Variants in PCSK1 observed in about 807,000 individuals in gnomAD.
PCSK1 encodes the protein proprotein convertase subtilisin/kexin type 1, also known as neuroendocrine convertase 1.
In PCSK1, 56 loss-of-function variants were observed where a neutral mutation model predicts 90.6. The observed-to-expected ratio is 0.62, with a 90% confidence interval of 0.50 to 0.77. The LOEUF (loss-of-function observed/expected upper bound fraction) is 0.77. Among genes scored for constraint, PCSK1 ranks in the 30% least tolerant of loss-of-function variants. The pLI, the probability that PCSK1 is intolerant of heterozygous loss-of-function variation, is 0.00. For missense variants in PCSK1, 801 were observed against 932.6 expected (o/e 0.86, Z 1.84); for synonymous variants, 348 against 342.4 (o/e 1.02, Z -0.18).
At position 96,411,064 on chromosome 5, in the gene PCSK1, G is replaced by T. The variant is rs1283092305; in HGVS notation, c.883-78C>A. The T allele has an allele frequency of 6.0e-6, 6 of 1,000,604 alleles. No homozygotes were observed. In the African/African-American group the frequency reaches 7.9e-5, roughly 13 times the overall value. The allele number at this position is 1,000,604 out of a possible 1,614,324, so 62.0% of individuals were successfully genotyped here. ...GTTATATCCCAATAAAATCCCCAAC[G>T]ACTACATGTGTGAAATTCTCAGAGA... On this transcript the variant is annotated intron_variant, in intron 7 of 13. Transcript: ENST00000311106.
intron 1 of PCSK1, among the ~76,000 whole-genome samples, chr5:96,429,530 T>G (rs1343615077): frequency 6.6e-6 from 1 of 152,188 alleles, no homozygotes; most frequent in African/African-American, 2.4e-5. Flanking sequence ...GGGGTATTTT[T>G]GTACAGATTA....
chr5:96,399,478 C>G (rs968610941), intron 10 of PCSK1, among the ~76,000 whole-genome samples: 7 of 151,996 alleles, frequency 4.6e-5, no homozygotes, highest in Admixed American at 6.6e-5. Context: ...TAGAGGGAGT[C>G]TAAGTAAGTG....
intron 8 of PCSK1, 146 bp downstream of exon 8, chr5:96,410,628 C>T (rs1561369070): frequency 1.4e-6 from 1 of 730,540 alleles, no homozygotes; most frequent in South Asian, 1.5e-5. Flanking sequence ...GGATGCCAGC[C>T]TTTCAAGTGA....
rs35364611 is a variant in PCSK1 at position 96,412,259 on chromosome 5, TCTC to T, written c.882+56_882+58del. The T allele has an allele frequency of 0.27, 371,598 of 1,366,300 alleles. 51,925 individuals carry two copies. Among genetic ancestry groups the T allele is most frequent in the South Asian group, 0.3 (25,756 of 86,026 alleles). 84.6% of individuals were successfully genotyped at this position (1,366,300 alleles called of 1,614,324 possible). ...CCATGTAACCTAAGTGTTCTTTCCT[TCTC>T]CTCATATCCAGATGGTCAGGTTTCA... On this transcript the variant is annotated intron_variant, in intron 7 of 13. Coordinates refer to ENST00000311106, the MANE Select transcript of PCSK1 (RefSeq NM_000439.5).
chr5:96,396,591 A>C (rs1760158323), intron 12 of PCSK1, among the ~76,000 whole-genome samples: 1 of 151,976 alleles, frequency 6.6e-6, no homozygotes, highest in Non-Finnish European at 1.5e-5. Context: ...ATTTAGGCGT[A>C]TAATTCTACA....
chr5:96,423,492 A>AT (rs1207642110), intron 3 of PCSK1, 33 bp from the exon 4 acceptor site: 5 of 1,609,572 alleles, frequency 3.1e-6, no homozygotes, highest in Non-Finnish European at 4.3e-6. Context: ...CATTGATAAA[A>AT]TTATCATTTG....
Position 96,429,275 on chromosome 5 carries a change from G to T in PCSK1, c.223C>A (p.His75Asn). The T allele has an allele frequency of 6.2e-7, 1 of 1,602,634 alleles. No individual in the cohort carries two copies. Among genetic ancestry groups the T allele is most frequent in the Non-Finnish European group, 8.5e-7 (1 of 1,169,844 alleles). ...GCACTCCTTCGAGACCTTCTGGGGT[G>T]GTTTTTATGTTTGAATAAGTAGTGA... ...ENHYLFKHKN[H>N]PRRSRRSAFH... The change falls in exon 2 of 14, where the codon CAC (histidine) becomes AAC (asparagine). Residue 75 changes from histidine to asparagine, a missense_variant. Coordinates refer to ENST00000311106, the MANE Select transcript of PCSK1 (RefSeq NM_000439.5).
intron 2 of PCSK1, 90 bp downstream of exon 2, chr5:96,429,123 C>T (rs933594756): frequency 2.0e-5 from 15 of 734,290 alleles, no homozygotes; most frequent in African/African-American, 1.6e-4. Context: ...AAAAAAACCA[C>T]ATTTGCAAAA....
chr5:96,410,797 C>A lies in PCSK1; in HGVS notation c.1072G>T (p.Gly358Ter). Residue 358 changes from glycine (G) to a stop codon, truncating the protein, a stop_gained, in exon 8 of 14, where the codon GGA (glycine) becomes TGA (stop). Transcript: ENST00000311106. LOFTEE classifies it high-confidence loss of function. ...ACGATTCTCTGGTCGGTGTAATCTC[C>A]GCTGCTGTAAGAGGTGGCCAGTGTG... ...SSTLATSYSS[G>*]DYTDQRITSA... is the part of the protein sequence containing the mutation. 2.5e-6 allele frequency: 4 copies of A among 1,613,972 alleles called. No individual in the cohort carries two copies. Among genetic ancestry groups the A allele is most frequent in the Non-Finnish European group, 3.4e-6 (4 of 1,179,892 alleles).
At chr5:96,428,930 G>A (rs1401973982) in intron 2 of PCSK1, among the ~76,000 whole-genome samples, 4 of 152,010 alleles carry the variant, frequency 2.6e-5, no homozygotes, top group African/African-American at 7.2e-5. Context: ...GACTGAATTT[G>A]TGAGTGTACA....
rs1173701856 is a variant in PCSK1 at position 96,433,005 on chromosome 5, A to G, written c.38T>C (p.Phe13Ser). The G allele has an allele frequency of 1.2e-6, 2 of 1,614,204 alleles. No homozygotes were observed. The highest frequency in any genetic ancestry group is 3.3e-5 in the Admixed American group (2 of 60,032). The stretch of plus-strand genomic sequence containing the variant: ...TGCACACCAAGCGCAAAAGAGGACG[A>G]AAGCAGTGCACTGCAGACTCCAGGC... ...RRAWSLQCTA[F>S]VLFCAWCALN... is the part of the protein sequence containing the mutation. Residue 13 changes from phenylalanine to serine, a missense_variant, in exon 1 of 14, where the codon TTC (phenylalanine) becomes TCC (serine). Transcript: ENST00000311106.
At chr5:96,405,364 A>C (rs912395430) in intron 9 of PCSK1, among the ~76,000 whole-genome samples, 1 of 152,194 alleles carries the variant, frequency 6.6e-6, no homozygotes, top group African/African-American at 2.4e-5. Context: ...GCAATTCTGC[A>C]TTTAGTTGCA....
intron 3 of PCSK1, among the ~76,000 whole-genome samples, chr5:96,424,972 AGAAAGATAG>A (rs1561376088): frequency 1.6e-4 from 22 of 139,608 alleles, no homozygotes; most frequent in African/African-American, 6.4e-4. Flanking sequence ...AAAAAAAAAA[AGAAAGATAG>A]AAAGAAAGAA....
chr5:96,401,485 G>T (rs1260914115), intron 9 of PCSK1, among the ~76,000 whole-genome samples: 2 of 152,336 alleles, frequency 1.3e-5, no homozygotes, highest in African/African-American at 4.8e-5. Context: ...GGGAATCAGT[G>T]AGAATTTTTG....
chr5:96,406,287 T>G (rs1341967605), intron 9 of PCSK1, among the ~76,000 whole-genome samples: 3 of 152,192 alleles, frequency 2.0e-5, no homozygotes, highest in African/African-American at 7.2e-5. Context: ...CAATTTTCAC[T>G]GCTTGGACAA....
intron 13 of PCSK1, 74 bp from the exon 14 acceptor site, chr5:96,393,452 A>G (rs1760025950): frequency 1.9e-6 from 3 of 1,553,384 alleles, no homozygotes; most frequent in Admixed American, 3.4e-5. Flanking sequence ...TTGCAACCCT[A>G]CCACAGGAAC....
Position 96,423,358 on chromosome 5 carries a change from C to T in PCSK1, c.498G>A (p.Leu166=), listed in dbSNP as rs1244028613. The T allele has an allele frequency of 3.7e-6, 6 of 1,613,556 alleles. No homozygotes were observed. The highest frequency in any genetic ancestry group is 1.7e-5 in the Admixed American group (1 of 59,936). The stretch of plus-strand genomic sequence containing the variant: ...TGTGATTCCACTCCAAACCATCATC[C>T]AGTACGGTGATAACAACTCCTTTGC... ...ITGKGVVITV[L]DDGLEWNHTD... Residue 166 remains leucine (L), a synonymous_variant, in exon 4 of 14, where the codon CTG becomes CTA. Transcript: ENST00000311106.
chr5:96,423,795 C>G (rs1454124496), intron 3 of PCSK1, among the ~76,000 whole-genome samples: 1 of 152,198 alleles, frequency 6.6e-6, no homozygotes, highest in African/African-American at 2.4e-5. Flanking sequence ...TATGGAAGCT[C>G]TATTTGATAG....
chr5:96,432,039 A>G (rs1279937296), intron 1 of PCSK1: 4 of 1,382,862 alleles, frequency 2.9e-6, no homozygotes, highest in Non-Finnish European at 4.0e-6. Flanking sequence ...CTTCACTTGG[A>G]CAGGCAACAA....
Sources: allele counts gnomAD v4.1 joint callset (sites outside exome capture counted in the v4.1 genomes callset), GRCh38; gene constraint gnomAD v4.1.1; transcripts MANE v1.5; gene names NCBI Gene and HGNC (gene_info 2026-07-23, HGNC 2026-07-21).